The following ETV1 variants were observed in gnomAD, a reference collection of about 807,000 sequenced individuals.
The protein encoded by ETV1 is ETS variant transcription factor 1.
ETV1 carries 27 observed loss-of-function variants against 62.3 expected under a neutral mutation model. The observed-to-expected ratio is 0.43, with a 90% CI of 0.32 to 0.60. The LOEUF (loss-of-function observed/expected upper bound fraction) is 0.60, where lower values mean the gene tolerates loss of function less well. Among genes scored for constraint, ETV1 ranks in the 20% least tolerant of loss-of-function variants. ETV1 has a pLI of 0.06. For missense variants in ETV1, 605 were observed against 605.8 expected (o/e 1.00, Z 0.01); for synonymous variants, 222 against 199.6 (o/e 1.11, Z -0.94).
chr7:13,975,901 C>G (rs927941424), intron 6 of ETV1, among the ~76,000 whole-genome samples: 1 of 152,030 alleles, frequency 6.6e-6, no homozygotes, highest in East Asian at 1.9e-4. Flanking sequence ...AAAATATCAA[C>G]GAGATTAATT....
chr7:13,940,310 C>G (rs748618557), intron 6 of ETV1, among the ~76,000 whole-genome samples: 1 of 148,360 alleles, frequency 6.7e-6, no homozygotes. Flanking sequence ...TGCAGTGAGC[C>G]GAGATCATGC....
At chr7:13,913,118 C>T (rs1034744377) in intron 9 of ETV1, among the ~76,000 whole-genome samples, 3 of 152,114 alleles carry the variant, frequency 2.0e-5, no homozygotes, top group Non-Finnish European at 4.4e-5. Flanking sequence ...ACTAGCTAAG[C>T]GGCGACTTCA....
chr7:13,924,375 A>G (rs1785182043), intron 9 of ETV1, among the ~76,000 whole-genome samples: 4 of 152,200 alleles, frequency 2.6e-5, no homozygotes, highest in Admixed American at 2.6e-4. Context: ...GCTATTATAA[A>G]AGATCACTTC....
At position 13,987,201 on chromosome 7, in the gene ETV1, C is replaced by T. The variant is rs538320055; in HGVS notation, c.134-516G>A. Among the ~76,000 whole-genome samples the T allele has an allele frequency of 3.3e-5, 5 of 152,016 alleles. No homozygotes were observed. In the South Asian group the frequency reaches 1.0e-3, roughly 32 times the overall value. ...AAACTAAAAGAAACCACTTCAAATA[C>T]AAGTTTTTAGAGGAAAATTTCTACA... On this transcript the variant is annotated intron_variant, in intron 4 of 13. Transcript: ENST00000430479.
intron 6 of ETV1, among the ~76,000 whole-genome samples, chr7:13,945,765 C>T (rs544634553): frequency 6.6e-6 from 1 of 152,098 alleles, no homozygotes; most frequent in Admixed American, 6.6e-5. Context: ...TGCTAACAGG[C>T]GGTTTTCCAG....
intron 6 of ETV1, among the ~76,000 whole-genome samples, chr7:13,976,821 G>T (rs985672927): frequency 1.8e-4 from 28 of 152,158 alleles, no homozygotes; most frequent in African/African-American, 6.0e-4. Context: ...AGACCCAGGA[G>T]CAAGGCTTAG....
chr7:13,955,618 G>C (rs1464629188), intron 6 of ETV1, among the ~76,000 whole-genome samples: 1 of 152,072 alleles, frequency 6.6e-6, no homozygotes, highest in Admixed American at 6.5e-5. Flanking sequence ...ACACAGTGAG[G>C]AGACACTGTG....
rs372865361 is a variant in ETV1 at position 13,911,250 on chromosome 7, C to G, written c.860G>C (p.Ser287Thr). The G allele has an allele frequency of 1.9e-5, 30 of 1,612,280 alleles. No homozygotes were observed. Among genetic ancestry groups the G allele is most frequent in the Admixed American group, 8.3e-5 (5 of 59,946 alleles). The change falls in exon 10 of 14, where the codon AGC becomes ACC. Residue 287 changes from serine (S) to threonine (T), a missense_variant. This residue lies in a region of ETV1 where 426 missense variants were observed against 377.8 expected (regional missense o/e 1.13). Coordinates refer to ENST00000430479, the MANE Select transcript of ETV1 (RefSeq NM_004956.5). Reference protein sequence around the residue: ...MRQEGFLAHPSRTEGCMFEKG... With the variant: ...MRQEGFLAHPTRTEGCMFEKG... Reference sequence around the variant, plus strand: ...GGTGGACAACTTAACTTCTGTTCTGCTGGGATGAGCCAGGAAGCCTTCTTG... The same window carrying G: ...GGTGGACAACTTAACTTCTGTTCTGGTGGGATGAGCCAGGAAGCCTTCTTG...
chr7:13,898,111 G>T (rs1190955102), intron 13 of ETV1, among the ~76,000 whole-genome samples: 1 of 152,126 alleles, frequency 6.6e-6, no homozygotes, highest in Non-Finnish European at 1.5e-5. Flanking sequence ...TATGTTAAAT[G>T]CTACTGAGTT....
At chr7:13,986,149 A>T in intron 5 of ETV1, 1 of 1,594,140 alleles carries the variant, frequency 6.3e-7, no homozygotes, top group Admixed American at 1.8e-5. Flanking sequence ...GGTGGAAAGA[A>T]GACACTTGCA....
intron 6 of ETV1, among the ~76,000 whole-genome samples, chr7:13,974,262 G>C (rs973816235): frequency 5.3e-5 from 8 of 152,204 alleles, no homozygotes; most frequent in Admixed American, 2.6e-4. Context: ...CAAGGGCAAA[G>C]AGATTTAAAA....
At chr7:13,919,935 T>C (rs988549912) in intron 9 of ETV1, among the ~76,000 whole-genome samples, 9 of 152,110 alleles carry the variant, frequency 5.9e-5, no homozygotes, top group African/African-American at 2.2e-4. Context: ...CATGTATCTT[T>C]AAACTGTCTC....
chr7:13,968,553 A>G (rs1780541126), intron 6 of ETV1, among the ~76,000 whole-genome samples: 2 of 151,286 alleles, frequency 1.3e-5, no homozygotes, highest in African/African-American at 4.8e-5. Flanking sequence ...TATATTCCGT[A>G]TACTTACAGT....
intron 9 of ETV1, among the ~76,000 whole-genome samples, chr7:13,930,535 A>T (rs1367732576): frequency 6.6e-6 from 1 of 151,066 alleles, no homozygotes; most frequent in Non-Finnish European, 1.5e-5. Context: ...GTTAGCCAGG[A>T]TGGTCTCAAT....
At chr7:13,913,810 A>G (rs1283457282) in intron 9 of ETV1, among the ~76,000 whole-genome samples, 1 of 151,640 alleles carries the variant, frequency 6.6e-6, no homozygotes, top group Non-Finnish European at 1.5e-5. Context: ...ATACAATAAA[A>G]TTCATTATAA....
At chr7:13,907,828 A>C (rs1270785135) in intron 11 of ETV1, 1 of 470,622 alleles carries the variant, frequency 2.1e-6, no homozygotes, top group Non-Finnish European at 4.4e-6. Context: ...CTCTTAAAAT[A>C]ATTACAGAAA....
chr7:13,986,381 C>A, intron 5 of ETV1: 1 of 1,485,726 alleles, frequency 6.7e-7, no homozygotes. Context: ...AGTCTTGGTG[C>A]ATTAGTTCTT....
chr7:13,989,927 G>A, upstream of ETV1: 1 of 246,986 alleles, frequency 4.0e-6, no homozygotes, highest in Non-Finnish European at 7.6e-6. Flanking sequence ...GCTGCTTATT[G>A]TTAAGGCGCC....
chr7:13,909,492 A>C, intron 11 of ETV1, 140 bp downstream of exon 11: 1 of 673,622 alleles, frequency 1.5e-6, no homozygotes, highest in African/African-American at 1.8e-5. Flanking sequence ...GTAATAGGTC[A>C]ACGTTGGCTA....
Sources: allele counts gnomAD v4.1 joint callset (sites outside exome capture counted in the v4.1 genomes callset), GRCh38; gene constraint gnomAD v4.1.1; regional missense constraint gnomAD v4.1.1; transcripts MANE v1.5; gene names NCBI Gene and HGNC (gene_info 2026-07-23, HGNC 2026-07-21).